The following LRRTM3 variants were observed in gnomAD, a reference collection of about 807,000 sequenced individuals.
LRRTM3 encodes leucine-rich repeat transmembrane neuronal protein 3.
In LRRTM3, 24 loss-of-function variants were observed where a neutral mutation model predicts 44.7. The ratio of observed to expected loss-of-function variants is 0.54; its 90% confidence interval spans 0.39 to 0.76. LRRTM3 has a LOEUF of 0.76. Among genes scored for constraint, LRRTM3 ranks in the 30% least tolerant of loss-of-function variants. LRRTM3 has a pLI of 0.00. For synonymous variants in LRRTM3, 277 were observed against 278.7 expected (o/e 0.99, Z 0.06); for missense variants, 587 against 702.2 (o/e 0.84, Z 1.85).
intron 2 of LRRTM3, chr10:67,055,101 G>T (rs1855344083): frequency 6.6e-6 from 1 of 152,056 alleles, no homozygotes; most frequent in Non-Finnish European, 1.5e-5. Context: ...ACATATTTTA[G>T]AGTCAGCACA....
rs1318693308 is a variant in LRRTM3 at position 66,964,140 on chromosome 10, G to A, written c.1536+35688G>A. 2.0e-5 allele frequency among the ~76,000 whole-genome samples: 3 copies of A among 152,054 alleles called. No homozygotes were observed. The East Asian group carries it at 5.8e-4, about 29-fold the overall frequency. On this transcript the variant is annotated intron_variant, in intron 2 of 2. Coordinates refer to ENST00000361320, the MANE Select transcript of LRRTM3 (RefSeq NM_178011.5). ...GCTGGGATTACAGGTGTGAGCCACC[G>A]CACCCAGCCAGACATCAATTTCTGT...
intron 2 of LRRTM3, among the ~76,000 whole-genome samples, chr10:66,943,144 C>T (rs1564784706): frequency 6.6e-6 from 1 of 152,262 alleles, no homozygotes; most frequent in East Asian, 1.9e-4. Context: ...ATGTCCTTCA[C>T]TGGAGACATG....
intron 2 of LRRTM3, among the ~76,000 whole-genome samples, chr10:66,932,858 T>C (rs1245404055): frequency 2.0e-5 from 3 of 152,188 alleles, no homozygotes; most frequent in Non-Finnish European, 4.4e-5. Context: ...ATGATTCTTT[T>C]GCATTTGAGG....
intron 2 of LRRTM3, among the ~76,000 whole-genome samples, chr10:66,943,167 T>C (rs1038664149): frequency 4.6e-5 from 7 of 152,214 alleles, no homozygotes; most frequent in African/African-American, 1.7e-4. Context: ...AATAATTCGT[T>C]CTTTTTAAAG....
chr10:67,012,272 T>C (rs912465284), intron 2 of LRRTM3: 1 of 152,122 alleles, frequency 6.6e-6, no homozygotes, highest in African/African-American at 2.4e-5. Flanking sequence ...ACCCATTCAT[T>C]TCATGGGTAG....
intron 2 of LRRTM3, among the ~76,000 whole-genome samples, chr10:66,930,950 T>C (rs906854550): frequency 1.3e-5 from 2 of 152,134 alleles, no homozygotes; most frequent in African/African-American, 4.8e-5. Context: ...TGAGCACAGA[T>C]ATATAATTCT....
intron 2 of LRRTM3, among the ~76,000 whole-genome samples, chr10:67,078,774 C>G (rs773029049): frequency 1.3e-5 from 2 of 152,118 alleles, no homozygotes; most frequent in African/African-American, 2.4e-5. Flanking sequence ...CCTCGGCCCC[C>G]CAACGTGCTG....
intron 2 of LRRTM3, among the ~76,000 whole-genome samples, chr10:67,020,013 AT>A: frequency 3.7e-5 from 1 of 27,012 alleles, no homozygotes; most frequent in South Asian, 4.1e-3. Context: ...TAATACCAAT[AT>A]CAACTGCTTT....
At chr10:66,949,491 G>A (rs780128250) in intron 2 of LRRTM3, among the ~76,000 whole-genome samples, 1 of 152,040 alleles carries the variant, frequency 6.6e-6, no homozygotes, top group Non-Finnish European at 1.5e-5. Flanking sequence ...CCAGGAGGCG[G>A]AGGTTGCAGT....
chr10:67,008,276 A>G (rs1267422785), intron 2 of LRRTM3, among the ~76,000 whole-genome samples: 1 of 151,990 alleles, frequency 6.6e-6, no homozygotes, highest in Admixed American at 6.6e-5. Flanking sequence ...TTGATATTAT[A>G]TTTTTCATTG....
intron 2 of LRRTM3, among the ~76,000 whole-genome samples, chr10:66,990,012 C>T (rs16923892): frequency 0.016 from 2,456 of 152,200 alleles, 90 homozygotes; most frequent in East Asian, 0.16. Context: ...ATATATTATA[C>T]GAAGAGAAAT....
At chr10:67,033,655 T>C (rs1024352113) in intron 2 of LRRTM3, among the ~76,000 whole-genome samples, 1 of 152,174 alleles carries the variant, frequency 6.6e-6, no homozygotes, top group South Asian at 2.1e-4. Context: ...ACTATTATTT[T>C]CCCCATTTTA....
chr10:67,024,946 C>A (rs1853262226), intron 2 of LRRTM3, among the ~76,000 whole-genome samples: 1 of 151,916 alleles, frequency 6.6e-6, no homozygotes, highest in Admixed American at 6.6e-5. Flanking sequence ...GCCTGACCAA[C>A]AAGAAGACAC....
At chr10:66,978,552 A>AAAAAAATATATATATATATATAT in intron 2 of LRRTM3, among the ~76,000 whole-genome samples, 1 of 37,866 alleles carries the variant, frequency 2.6e-5, no homozygotes, top group African/African-American at 8.7e-5. Flanking sequence ...AAAAAAAAAA[A>AAAAAAATATATATATATATATAT]ATATATATAT....
intron 2 of LRRTM3, among the ~76,000 whole-genome samples, chr10:67,058,434 C>T (rs908602753): frequency 1.3e-4 from 20 of 152,184 alleles, no homozygotes; most frequent in African/African-American, 4.6e-4. Context: ...TAAATCACTA[C>T]TTTAAAACAA....
At chr10:67,091,749 G>A (rs893029624) in intron 2 of LRRTM3, among the ~76,000 whole-genome samples, 1 of 151,976 alleles carries the variant, frequency 6.6e-6, no homozygotes, top group African/African-American at 2.4e-5. Context: ...CAAATCATGG[G>A]ACATTTGGAA....
chr10:66,989,662 G>A (rs967097255), intron 2 of LRRTM3, among the ~76,000 whole-genome samples: 4 of 152,030 alleles, frequency 2.6e-5, no homozygotes, highest in South Asian at 2.1e-4. Flanking sequence ...CTTACCTAAC[G>A]TAACAGTCTT....
At chr10:66,992,259 A>G (rs565279628) in intron 2 of LRRTM3, among the ~76,000 whole-genome samples, 5 of 152,182 alleles carry the variant, frequency 3.3e-5, no homozygotes, top group Non-Finnish European at 7.4e-5. Flanking sequence ...TATTTCCCTA[A>G]TCACTGGTGA....
chr10:67,082,058 T>C (rs900541198), intron 2 of LRRTM3, among the ~76,000 whole-genome samples: 2 of 152,220 alleles, frequency 1.3e-5, no homozygotes, highest in African/African-American at 4.8e-5. Context: ...AAGTTTAAGC[T>C]GGACCCAAAG....
Sources: gnomAD v4.1 joint callset for allele counts (sites outside exome capture counted in the v4.1 genomes callset) on GRCh38, gnomAD v4.1.1 for gene constraint, MANE v1.5 for transcripts, NCBI Gene and HGNC (gene_info 2026-07-23, HGNC 2026-07-21) for gene names.